Variants in UHMK1 observed in about 807,000 individuals in gnomAD.
The protein encoded by UHMK1 is serine/threonine-protein kinase Kist.
A neutral mutation model predicts 44.0 loss-of-function variants in UHMK1; 18 were observed. The observed-to-expected ratio is 0.41, with a 90% confidence interval of 0.28 to 0.61. The LOEUF (loss-of-function observed/expected upper bound fraction) is 0.61, where lower values mean the gene tolerates loss of function less well. Among genes scored for constraint, UHMK1 ranks in the 20% least tolerant of loss-of-function variants. UHMK1 has a pLI of 0.31. For synonymous variants in UHMK1, 231 were observed against 198.5 expected (o/e 1.16, Z -1.38); for missense variants, 463 against 522.5 (o/e 0.89, Z 1.11).
rs1182058516 is a variant in UHMK1 at position 162,523,165 on chromosome 1, G to A, written c.*615G>A. 1 of 152,650 alleles carries A rather than the reference G, an allele frequency of 6.6e-6. No individual in the cohort carries two copies. The highest frequency in any genetic ancestry group is 2.4e-5 in the African/African-American group (1 of 41,446). The allele number at this position is 152,650 out of a possible 1,614,324, so 9.5% of individuals were successfully genotyped here. On this transcript the variant is annotated 3_prime_UTR_variant, in exon 8 of 8. Transcript: ENST00000489294. ...ATTAAGGCTTTTAAAATAGAAAGCT[G>A]ATGCTTGATCTTGCACAATTTTTAT...
At chr1:162,504,542 T>C (rs1057441292) in intron 4 of UHMK1, among the ~76,000 whole-genome samples, 5 of 152,146 alleles carry the variant, frequency 3.3e-5, no homozygotes, top group African/African-American at 4.8e-5. Flanking sequence ...TGTAATACAA[T>C]GGTAAGTATT....
At chr1:162,516,544 T>G (rs867888151) in intron 6 of UHMK1, among the ~76,000 whole-genome samples, 1 of 152,304 alleles carries the variant, frequency 6.6e-6, no homozygotes, top group South Asian at 2.1e-4. Context: ...TTAATATTCC[T>G]GAAGTTGGAA....
At position 162,498,187 on chromosome 1, in the gene UHMK1, G is replaced by A; in HGVS notation, c.187G>A (p.Gly63Arg). 1 of 1,613,028 alleles carries A rather than the reference G, an allele frequency of 6.2e-7. No individual in the cohort carries two copies. The highest frequency in any genetic ancestry group is 8.5e-7 in the Non-Finnish European group (1 of 1,179,388). ...GCAGTTCTTGCCGCCAGGAACCACCGGGGCTGCGGCCTCTGCCGCCGAGTA... is the reference window on the plus strand; with the variant it reads ...GCAGTTCTTGCCGCCAGGAACCACCAGGGCTGCGGCCTCTGCCGCCGAGTA... ...LKQFLPPGTT[G>R]AAASAAEYGF... Residue 63 changes from glycine to arginine, a missense_variant, in exon 1 of 8, where the codon GGG becomes AGG. Physicochemically the swap from Gly to Arg is moderately radical, Grantham distance 125. Transcript: ENST00000489294.
chr1:162,501,324 C>T lies in UHMK1; in HGVS notation c.753+220C>T, dbSNP rs571917228. 3.9e-5 allele frequency among the ~76,000 whole-genome samples: 6 copies of T among 152,232 alleles called. No individual in the cohort carries two copies. In the East Asian group the frequency reaches 9.7e-4, roughly 25 times the overall value. ...AGCTGGGATTACAGGCGCCAGCCAC[C>T]GTACCCGGCTAATTTTTGTATTTTT... On this transcript the variant is annotated intron_variant, in intron 3 of 7. Transcript: ENST00000489294.
chr1:162,497,763 T>A, upstream of UHMK1: 4 of 1,256,246 alleles, frequency 3.2e-6, no homozygotes, highest in Non-Finnish European at 4.1e-6. Flanking sequence ...CCGCCCCTTC[T>A]GAGCCCCCCC....
rs1224746474 is a variant in UHMK1, at chr1:162,522,404, G to A, written c.1114G>A (p.Val372Ile). Residue 372 changes from valine to isoleucine, a missense_variant and splice_region_variant, in exon 8 of 8, where the codon GTC (valine) becomes ATC (isoleucine). Val to Ile is a conservative substitution (Grantham distance 29). Coordinates refer to ENST00000489294, the MANE Select transcript of UHMK1 (RefSeq NM_175866.5). ...TGTTTTTTTCTCTGTCTTCTTTCAGGTCTTTGTTGAGTATGCAAATGCTGG... is the reference window on the plus strand; with the variant it reads ...TGTTTTTTTCTCTGTCTTCTTTCAGATCTTTGTTGAGTATGCAAATGCTGG... ...VPKENPGRGQ[V>I]FVEYANAGDS... is the part of the protein sequence containing the mutation. The A allele has an allele frequency of 6.2e-7, 1 of 1,613,976 alleles. No individual in the cohort carries two copies. The highest frequency in any genetic ancestry group is 8.5e-7 in the Non-Finnish European group (1 of 1,179,976).
chr1:162,497,863 T>A lies in UHMK1; in HGVS notation c.-138T>A, dbSNP rs1234175888. Reference sequence around the variant, plus strand: ...CTTCCGGTGTCATGGCTGCTTGAAGTCCCGGGAGTCGGTGAGGCGGCTGCA... The same window carrying A: ...CTTCCGGTGTCATGGCTGCTTGAAGACCCGGGAGTCGGTGAGGCGGCTGCA... On this transcript the variant is annotated 5_prime_UTR_variant, in exon 1 of 8. Coordinates refer to ENST00000489294, the MANE Select transcript of UHMK1 (RefSeq NM_175866.5). 7.9e-6 allele frequency: 11 copies of A among 1,385,668 alleles called. No homozygotes were observed. The highest frequency in any genetic ancestry group is 1.0e-5 in the Non-Finnish European group (11 of 1,075,612). The allele number at this position is 1,385,668 out of a possible 1,614,324, so 85.8% of individuals were successfully genotyped here. A position where few individuals can be genotyped will look rare whatever the true frequency, so the allele number is the denominator to read the frequency against.
At chr1:162,498,608 G>C (rs972952367) in intron 1 of UHMK1, among the ~76,000 whole-genome samples, 3 of 152,178 alleles carry the variant, frequency 2.0e-5, no homozygotes, top group African/African-American at 7.2e-5. Flanking sequence ...GGAAATTTTT[G>C]AATCTTTGCA....
In UHMK1 at chr1:162,503,840, T is replaced by C. The variant is rs770786547; in HGVS notation, c.840T>C (p.Leu280=). ...TTCCAGCCTATCACCTAAGAGACCT[T>C]ATCAAAAGGTATGTTACACGTACCA... The part of the protein sequence containing the change: ...AAIPAYHLRD[L]IKSMLHDDPS... Residue 280 remains leucine (L), a synonymous_variant, in exon 4 of 8, where the codon CTT becomes CTC. Coordinates refer to ENST00000489294, the MANE Select transcript of UHMK1 (RefSeq NM_175866.5). 1 of 1,613,820 alleles carries C rather than the reference T, an allele frequency of 6.2e-7. No individual in the cohort carries two copies. Among genetic ancestry groups the C allele is most frequent in the Non-Finnish European group, 8.5e-7 (1 of 1,179,814 alleles).
Position 162,498,070 on chromosome 1 carries a change from C to G in UHMK1, c.70C>G (p.Gln24Glu), listed in dbSNP as rs1485268511. ...RFLEAFGRLW[Q>E]VQSRLGSGSS... ...TCTGGAGGCCTTCGGGCGGCTGTGG[C>G]AGGTACAGAGCCGTCTGGGTAGCGG... Residue 24 changes from glutamine (Q) to glutamate (E), a missense_variant, in exon 1 of 8, where the codon CAG (glutamine) becomes GAG (glutamate). Physicochemically the swap from Gln to Glu is conservative, Grantham distance 29. Around this residue, in one of 3 missense-constraint regions of UHMK1, gnomAD observed 191 missense variants for 176.0 expected, o/e 1.09. Transcript: ENST00000489294. The G allele has an allele frequency of 1.2e-6, 2 of 1,610,388 alleles. No homozygotes were observed. The highest frequency in any genetic ancestry group is 1.7e-5 in the Admixed American group (1 of 59,902).
chr1:162,499,909 CT>C, intron 1 of UHMK1, 45 bp from the exon 2 acceptor site: 1 of 1,588,582 alleles, frequency 6.3e-7, no homozygotes, highest in Non-Finnish European at 8.6e-7. Context: ...TTAGTAGTGA[CT>C]TACTCTGAGT....
chr1:162,507,581 C>CTTTTTT lies in UHMK1; in HGVS notation c.848+3739_848+3744dup, dbSNP rs548617627. 8.1e-4 allele frequency among the ~76,000 whole-genome samples: 108 copies of CTTTTTT among 133,196 alleles called. 6 individuals are homozygous for CTTTTTT. Among genetic ancestry groups the CTTTTTT allele is most frequent in the African/African-American group, 1.1e-3 (39 of 35,376 alleles). 87.4% of individuals were successfully genotyped at this position (133,196 alleles called of 152,430 possible). On this transcript the variant is annotated intron_variant, in intron 4 of 7. Transcript: ENST00000489294. ...AGCCACCACCCCCAACCCATTCTTT[C>CTTTTTT]TTTTTTTTTTTCTTTTTTTTTGTGA...
intron 1 of UHMK1, among the ~76,000 whole-genome samples, chr1:162,499,223 T>A (rs1651180287): frequency 6.6e-6 from 1 of 152,132 alleles, no homozygotes; most frequent in Non-Finnish European, 1.5e-5. Context: ...TCACCCAGGC[T>A]GGAGTACAAT....
intron 6 of UHMK1, among the ~76,000 whole-genome samples, chr1:162,515,102 T>A (rs1466228436): frequency 6.6e-6 from 1 of 152,158 alleles, no homozygotes; most frequent in Non-Finnish European, 1.5e-5. Context: ...TGCCCATAAA[T>A]TATATCAGTT....
chr1:162,522,617 C>T lies in UHMK1; in HGVS notation c.*67C>T. On this transcript the variant is annotated 3_prime_UTR_variant, in exon 8 of 8. Transcript: ENST00000489294. ...TCTTGGGTTATTCCACATATGAATG[C>T]AGGACTACCCCCTTACCATTTTAAG... 5 of 1,490,132 alleles carry T rather than the reference C, an allele frequency of 3.4e-6. No homozygotes were observed. The South Asian group carries it at 4.9e-5, about 15-fold the overall frequency. The allele number at this position is 1,490,132 out of a possible 1,614,324, so 92.3% of individuals were successfully genotyped here.
intron 6 of UHMK1, among the ~76,000 whole-genome samples, chr1:162,515,757 G>A (rs569551135): frequency 6.6e-5 from 10 of 151,422 alleles, no homozygotes; most frequent in South Asian, 2.1e-4. Context: ...AAGCTTGGCC[G>A]GGCGTGGTGG....
chr1:162,521,477 A>G (rs911796684), intron 7 of UHMK1, among the ~76,000 whole-genome samples: 1 of 152,130 alleles, frequency 6.6e-6, no homozygotes, highest in Non-Finnish European at 1.5e-5. Context: ...GGGAGGGGAC[A>G]GGGTCTTGCT....
chr1:162,508,520 A>G (rs1651555295), intron 4 of UHMK1, among the ~76,000 whole-genome samples: 1 of 151,760 alleles, frequency 6.6e-6, no homozygotes, highest in African/African-American at 2.4e-5. Flanking sequence ...CATGGCCAAC[A>G]TGGTGAAATC....
intron 4 of UHMK1, 152 bp downstream of exon 4, chr1:162,504,000 T>C: frequency 1.6e-6 from 1 of 631,532 alleles, no homozygotes; most frequent in Non-Finnish European, 2.6e-6. Context: ...AAAGGAATGC[T>C]CTTTTGCTCA....
Sources: gnomAD v4.1 joint callset for allele counts (sites outside exome capture counted in the v4.1 genomes callset) on GRCh38, gnomAD v4.1.1 for gene constraint, gnomAD v4.1.1 regional missense constraint, MANE v1.5 for transcripts, NCBI Gene and HGNC (gene_info 2026-07-23, HGNC 2026-07-21) for gene names.